The following MAP4K4 variants were observed in gnomAD, a reference collection of about 807,000 sequenced individuals.
MAP4K4 encodes mitogen-activated protein kinase kinase kinase kinase 4.
A neutral mutation model predicts 189.6 loss-of-function variants in MAP4K4; 38 were observed. That is an observed-to-expected ratio of 0.20 (90% confidence interval 0.15 to 0.26). MAP4K4 has a LOEUF of 0.26. Among genes scored for constraint, MAP4K4 ranks in the 10% least tolerant of loss-of-function variants. MAP4K4 has a pLI of 1.00. For missense variants in MAP4K4, 1,054 were observed against 1,726.9 expected, an observed-to-expected ratio of 0.61 and a Z score of 6.91; for synonymous variants, 610 against 624.3, an observed-to-expected ratio of 0.98 and a Z score of 0.34.
At chr2:101,753,679 C>T (rs56965044) in intron 2 of MAP4K4, among the ~76,000 whole-genome samples, 3,182 of 149,320 alleles carry the variant, frequency 0.021, 88 homozygotes, top group African/African-American at 0.072. Context: ...TTTTTTTTTC[C>T]TTAGCCCAGC....
chr2:101,810,041 A>G (rs1383160555), intron 3 of MAP4K4, among the ~76,000 whole-genome samples: 5 of 152,230 alleles, frequency 3.3e-5, no homozygotes, highest in Non-Finnish European at 7.3e-5. Context: ...TTGGGTGTGT[A>G]CTTGTATCAC....
At chr2:101,747,201 C>T (rs1019572639) in intron 2 of MAP4K4, among the ~76,000 whole-genome samples, 1 of 152,146 alleles carries the variant, frequency 6.6e-6, no homozygotes, top group African/African-American at 2.4e-5. Flanking sequence ...TCAGCGCAAC[C>T]TCCGCCTCCT....
At chr2:101,698,161 C>G (rs1480787502) in intron 1 of MAP4K4, 24 bp downstream of exon 1, 2 of 1,111,794 alleles carry the variant, frequency 1.8e-6, no homozygotes, top group Non-Finnish European at 2.3e-6. Flanking sequence ...CGAGCGGGCG[C>G]GCGGGGAGCG....
At chr2:101,802,903 A>G (rs2094502831) in intron 3 of MAP4K4, among the ~76,000 whole-genome samples, 2 of 152,034 alleles carry the variant, frequency 1.3e-5, no homozygotes, top group African/African-American at 4.8e-5. Context: ...CTTCAGCCTC[A>G]GCCTCCCAAG....
Position 101,815,811 on chromosome 2 carries a change from G to C in MAP4K4, c.181-8117G>C, listed in dbSNP as rs555924702. ...GACGAGTTTTTCCAATCTAGCCAACGGCAGGAGGCACTGCTTCCCAACCCT... is the reference window on the plus strand; with the variant it reads ...GACGAGTTTTTCCAATCTAGCCAACCGCAGGAGGCACTGCTTCCCAACCCT... On this transcript the variant is annotated intron_variant, in intron 3 of 32. Coordinates refer to ENST00000324219, the Ensembl canonical transcript of MAP4K4. Among the ~76,000 whole-genome samples the C allele has an allele frequency of 1.2e-4, 19 of 152,204 alleles. 1 individual carries two copies. The South Asian group carries it at 2.9e-3, about 23-fold the overall frequency.
chr2:101,829,827 A>C (rs2096537751), intron 6 of MAP4K4: 1 of 409,460 alleles, frequency 2.4e-6, no homozygotes, highest in Non-Finnish European at 4.5e-6. Context: ...ACTGATCTTC[A>C]AATCAGACCA....
At chr2:101,737,034 G>A (rs949103569) in intron 2 of MAP4K4, among the ~76,000 whole-genome samples, 5 of 152,196 alleles carry the variant, frequency 3.3e-5, no homozygotes, top group Middle Eastern at 3.4e-3. Flanking sequence ...TTGGGCAATC[G>A]GAGTTTTGAT....
intron 2 of MAP4K4, among the ~76,000 whole-genome samples, chr2:101,715,477 C>G (rs2047892930): frequency 6.6e-6 from 1 of 152,156 alleles, no homozygotes. Context: ...GATTTATTAA[C>G]TAACACAGGT....
intron 21 of MAP4K4, among the ~76,000 whole-genome samples, chr2:101,868,270 C>T (rs2097875065): frequency 6.6e-6 from 1 of 152,134 alleles, no homozygotes; most frequent in East Asian, 1.9e-4. Flanking sequence ...GCTATAACCA[C>T]GAAATACTAA....
At chr2:101,787,476 G>A (rs2091717665) in intron 2 of MAP4K4, among the ~76,000 whole-genome samples, 3 of 152,146 alleles carry the variant, frequency 2.0e-5, no homozygotes, top group Admixed American at 2.0e-4. Flanking sequence ...GAGATGCCAG[G>A]AGAGGTGTGC....
At chr2:101,729,747 A>G (rs926334223) in intron 2 of MAP4K4, among the ~76,000 whole-genome samples, 1 of 152,092 alleles carries the variant, frequency 6.6e-6, no homozygotes, top group Non-Finnish European at 1.5e-5. Context: ...GAGGACCCAC[A>G]CCACCCGCTC....
intron 3 of MAP4K4, among the ~76,000 whole-genome samples, chr2:101,810,390 G>T (rs2095342084): frequency 1.3e-5 from 2 of 151,912 alleles, no homozygotes; most frequent in Admixed American, 6.6e-5. Flanking sequence ...ATGAATTTAT[G>T]TTATAATTAA....
chr2:101,775,884 T>A (rs1423871758), intron 2 of MAP4K4, among the ~76,000 whole-genome samples: 1 of 152,176 alleles, frequency 6.6e-6, no homozygotes, highest in Non-Finnish European at 1.5e-5. Flanking sequence ...TGTGGGTCAG[T>A]GTTTTTGTTG....
intron 21 of MAP4K4, 45 bp from the exon 22 acceptor site, chr2:101,869,577 C>T (rs2097919901): frequency 6.7e-7 from 1 of 1,484,948 alleles, no homozygotes; most frequent in African/African-American, 1.4e-5. Context: ...TCTCCTGTCC[C>T]TGCTCCTGCT....
intron 3 of MAP4K4, among the ~76,000 whole-genome samples, chr2:101,801,519 C>T (rs1028483743): frequency 6.6e-5 from 10 of 152,182 alleles, no homozygotes; most frequent in African/African-American, 2.4e-4. Context: ...GATGGCAGTA[C>T]AAGCAGCCTC....
chr2:101,849,498 C>T (rs1055899207), intron 12 of MAP4K4, among the ~76,000 whole-genome samples: 15 of 151,504 alleles, frequency 9.9e-5, no homozygotes, highest in African/African-American at 3.2e-4. Flanking sequence ...GACTTTGGGT[C>T]TAGTTAAATT....
At chr2:101,831,900 G>A (rs766203183) in intron 7 of MAP4K4, 49 bp downstream of exon 7, 9 of 1,595,272 alleles carry the variant, frequency 5.6e-6, no homozygotes, top group African/African-American at 4.0e-5. Context: ...TGGCATACCC[G>A]AGGGATGGGG....
At chr2:101,891,591 GTC>G (rs1381256473) in exon 33 of MAP4K4, 1 of 196,092 alleles carries the variant, frequency 5.1e-6, no homozygotes, top group African/African-American at 2.3e-5. Flanking sequence ...GAATGACTCT[GTC>G]TTGTGGGTGT....
intron 2 of MAP4K4, among the ~76,000 whole-genome samples, chr2:101,780,733 T>C (rs1291373140): frequency 6.6e-5 from 10 of 152,220 alleles, no homozygotes; most frequent in East Asian, 1.9e-4. Context: ...CCCTTTCTCA[T>C]TGGTCAGTTA....
Sources: allele counts gnomAD v4.1 joint callset (sites outside exome capture counted in the v4.1 genomes callset), GRCh38; gene constraint gnomAD v4.1.1; transcripts MANE v1.5; gene names NCBI Gene and HGNC (gene_info 2026-07-23, HGNC 2026-07-21).